RSU1: variants seen among roughly 807,000 people sequenced by gnomAD.
RSU1 encodes Ras suppressor protein 1, also known as rsu-1.
A neutral mutation model predicts 31.1 loss-of-function variants in RSU1; 26 were observed. That is an observed-to-expected ratio of 0.84 (90% CI 0.61 to 1.16). RSU1 has a LOEUF of 1.16. Among genes scored for constraint, RSU1 ranks in the 50% most tolerant of loss-of-function variants. RSU1 has a pLI of 0.00. For missense variants in RSU1, 320 were observed against 339.1 expected, an observed-to-expected ratio of 0.94 and a Z score of 0.44; for synonymous variants, 164 against 136.3, an observed-to-expected ratio of 1.20 and a Z score of -1.41.
At chr10:16,609,097 C>T (rs1353802151) in intron 8 of RSU1, among the ~76,000 whole-genome samples, 1 of 152,196 alleles carries the variant, frequency 6.6e-6, no homozygotes, top group Non-Finnish European at 1.5e-5. Context: ...CCTGAGACCT[C>T]CTCCTCCTCA....
At chr10:16,791,735 G>C (rs1043300791) in intron 2 of RSU1, among the ~76,000 whole-genome samples, 1 of 152,038 alleles carries the variant, frequency 6.6e-6, no homozygotes, top group Non-Finnish European at 1.5e-5. Flanking sequence ...ATTTGAAATA[G>C]GTCCCGCTTT....
intron 8 of RSU1, among the ~76,000 whole-genome samples, chr10:16,688,560 G>T (rs1042873301): frequency 1.3e-5 from 2 of 152,124 alleles, no homozygotes; most frequent in Non-Finnish European, 2.9e-5. Context: ...AGTGAGCCCA[G>T]ATCACGCCAC....
intron 7 of RSU1, among the ~76,000 whole-genome samples, chr10:16,726,827 T>C (rs565022091): frequency 1.3e-5 from 2 of 152,102 alleles, no homozygotes; most frequent in Non-Finnish European, 2.9e-5. Flanking sequence ...CCTAAAAAAA[T>C]GGACCTCTTT....
chr10:16,765,350 A>G (rs1221740812), intron 3 of RSU1, among the ~76,000 whole-genome samples: 1 of 152,214 alleles, frequency 6.6e-6, no homozygotes, highest in Non-Finnish European at 1.5e-5. Flanking sequence ...ACACACATAC[A>G]TACATATACA....
chr10:16,705,664 T>C (rs1035225642), intron 7 of RSU1, among the ~76,000 whole-genome samples: 128 of 152,096 alleles, frequency 8.4e-4, no homozygotes, highest in African/African-American at 2.7e-3. Flanking sequence ...AATTTTTGTA[T>C]TTTTTAGTAG....
chr10:16,689,167 A>G (rs1835495824), intron 8 of RSU1, among the ~76,000 whole-genome samples: 1 of 152,222 alleles, frequency 6.6e-6, no homozygotes, highest in African/African-American at 2.4e-5. Context: ...ACTATGTTCA[A>G]TTTACTAACC....
At chr10:16,664,361 T>G (rs1834949389) in intron 8 of RSU1, among the ~76,000 whole-genome samples, 1 of 152,186 alleles carries the variant, frequency 6.6e-6, no homozygotes, top group Non-Finnish European at 1.5e-5. Flanking sequence ...TCTGTGTGAC[T>G]CTTAGGTATG....
In RSU1 at chr10:16,646,018, ATG is replaced by A. The variant is rs1319122645; in HGVS notation, c.731+49003_731+49004del. Among the ~76,000 whole-genome samples, 49 of 83,398 alleles carry A rather than the reference ATG, an allele frequency of 5.9e-4. 8 individuals are homozygous for A. Among genetic ancestry groups the A allele is most frequent in the African/African-American group, 2.8e-3 (48 of 17,438 alleles). The allele number at this position is 83,398 out of a possible 152,430, so 54.7% of individuals were successfully genotyped here. On this transcript the variant is annotated intron_variant, in intron 8 of 8. Transcript: ENST00000345264. The stretch of plus-strand genomic sequence containing the variant: ...TGTATATATATGTGTATATACATAT[ATG>A]TGTATATATATGTGTATATACATAT...
intron 8 of RSU1, among the ~76,000 whole-genome samples, chr10:16,607,067 G>A (rs1032074438): frequency 9.2e-5 from 14 of 152,242 alleles, no homozygotes; most frequent in East Asian, 3.9e-4. Context: ...TCATGGGGGC[G>A]GTTTCTCATG....
chr10:16,593,497 C>T lies in RSU1; in HGVS notation c.732-1G>A. 6.2e-7 allele frequency: 1 copy of T among 1,610,562 alleles called. No homozygotes were observed. Among genetic ancestry groups the T allele is most frequent in the South Asian group, 1.1e-5 (1 of 90,984 alleles). ...GGCCTGCATGTGTCTGCCGTAGAGG[C>T]TGCAAAGACAGAGAAAGGACACTAT... On this transcript the variant is annotated splice_acceptor_variant, in intron 8 of 8. Coordinates refer to ENST00000345264, the MANE Select transcript of RSU1 (RefSeq NM_012425.4). LOFTEE classifies it high-confidence loss of function.
At chr10:16,594,424 T>TC (rs1391958598) in intron 8 of RSU1, among the ~76,000 whole-genome samples, 1 of 151,216 alleles carries the variant, frequency 6.6e-6, no homozygotes, top group Non-Finnish European at 1.5e-5. Context: ...TTTTTTTTTT[T>TC]CCTGAGTGTC....
At chr10:16,644,106 G>T (rs577082911) in intron 8 of RSU1, among the ~76,000 whole-genome samples, 5 of 145,552 alleles carry the variant, frequency 3.4e-5, no homozygotes, top group African/African-American at 5.3e-5. Flanking sequence ...AGAGGGTGGT[G>T]GGGGGGGGTC....
rs895934226 is a variant in RSU1, at chr10:16,764,379, C to T, written c.281+11G>A. 1 of 1,609,728 alleles carries T rather than the reference C, an allele frequency of 6.2e-7. No individual in the cohort carries two copies. The highest frequency in any genetic ancestry group is 1.1e-5 in the South Asian group (1 of 90,198). On this transcript the variant is annotated intron_variant, in intron 4 of 8. Coordinates refer to ENST00000345264, the MANE Select transcript of RSU1 (RefSeq NM_012425.4). The stretch of plus-strand genomic sequence containing the variant: ...CTTCCTCTCCATCCTTTCCGCTCCA[C>T]TGATACTCACCCAAGGTTCAGGTGT...
At chr10:16,636,364 C>T (rs767986725) in intron 8 of RSU1, among the ~76,000 whole-genome samples, 1 of 152,020 alleles carries the variant, frequency 6.6e-6, no homozygotes, top group Non-Finnish European at 1.5e-5. Flanking sequence ...GCCCTGACTC[C>T]TCTCCTTCTC....
At chr10:16,768,962 C>G (rs1296134102) in intron 3 of RSU1, among the ~76,000 whole-genome samples, 1 of 152,202 alleles carries the variant, frequency 6.6e-6, no homozygotes, top group African/African-American at 2.4e-5. Context: ...AACAGCTTTA[C>G]TCCTAAAAGG....
At chr10:16,718,096 T>TAAA (rs1564330385) in intron 7 of RSU1, among the ~76,000 whole-genome samples, 1 of 51,590 alleles carries the variant, frequency 1.9e-5, no homozygotes, top group Admixed American at 1.6e-4. Context: ...CTCAATTTAT[T>TAAA]TAAAAAAAAA....
At chr10:16,632,453 A>G (rs1834268666) in intron 8 of RSU1, among the ~76,000 whole-genome samples, 1 of 152,176 alleles carries the variant, frequency 6.6e-6, no homozygotes, top group South Asian at 2.1e-4. Flanking sequence ...AAAACCCGAG[A>G]GACCTTTTAA....
chr10:16,601,164 C>T (rs1833709158), intron 8 of RSU1, among the ~76,000 whole-genome samples: 1 of 152,198 alleles, frequency 6.6e-6, no homozygotes, highest in African/African-American at 2.4e-5. Flanking sequence ...GACACTTTGG[C>T]TATGAATCCC....
At chr10:16,595,977 AAAAT>A (rs1042058178) in intron 8 of RSU1, among the ~76,000 whole-genome samples, 1 of 151,978 alleles carries the variant, frequency 6.6e-6, no homozygotes, top group Non-Finnish European at 1.5e-5. Flanking sequence ...CAGAAAAAAA[AAAAT>A]CTGCTCCATG....
Sources: gnomAD v4.1 joint callset for allele counts (sites outside exome capture counted in the v4.1 genomes callset) on GRCh38, gnomAD v4.1.1 for gene constraint, MANE v1.5 for transcripts, NCBI Gene and HGNC (gene_info 2026-07-23, HGNC 2026-07-21) for gene names.